The following VRK2 variants were observed in gnomAD, a reference collection of about 807,000 sequenced individuals.
VRK2 encodes VRK serine/threonine kinase 2.
Under a neutral mutation model 57.6 loss-of-function variants are expected in VRK2, and 60 were observed. The ratio of observed to expected loss-of-function variants is 1.04; its 90% CI spans 0.85 to 1.29. The LOEUF is 1.29. Among genes scored for constraint, VRK2 ranks in the 50% most tolerant of loss-of-function variants. The pLI is 0.00. For missense variants in VRK2, 705 were observed against 588.1 expected, an observed-to-expected ratio of 1.20 and a Z score of -2.06; for synonymous variants, 231 against 199.2, an observed-to-expected ratio of 1.16 and a Z score of -1.35.
Position 58,146,494 on chromosome 2 carries a change from G to T in VRK2, c.1182+20G>T. ...GCTCAGGTGAGAGGGTTGTTTGTGT[G>T]TGTTTTTTCTAACTTAATGTTACAT... is the stretch of plus-strand genomic sequence containing the variant. On this transcript the variant is annotated intron_variant, in intron 12 of 12. Transcript: ENST00000340157. The T allele has an allele frequency of 6.3e-7, 1 of 1,595,576 alleles. No individual in the cohort carries two copies. The highest frequency in any genetic ancestry group is 8.5e-7 in the Non-Finnish European group (1 of 1,171,534).
intron 7 of VRK2, among the ~76,000 whole-genome samples, chr2:58,117,730 A>G (rs1228169729): frequency 1.3e-5 from 2 of 152,130 alleles, no homozygotes; most frequent in Non-Finnish European, 2.9e-5. Context: ...AACTACTGTC[A>G]AGTTTGTATT....
chr2:58,064,629 C>T (rs1396060226), intron 2 of VRK2, among the ~76,000 whole-genome samples: 1 of 152,006 alleles, frequency 6.6e-6, no homozygotes, highest in Non-Finnish European at 1.5e-5. Context: ...CATTTTATTG[C>T]ATTGTTGTGG....
chr2:57,990,914 G>C (rs1672746069), intron 1 of VRK2, among the ~76,000 whole-genome samples: 1 of 151,016 alleles, frequency 6.6e-6, no homozygotes, highest in South Asian at 2.1e-4. Context: ...CAAAAGTAGA[G>C]AACACAAACC....
intron 1 of VRK2, among the ~76,000 whole-genome samples, chr2:57,993,557 T>C (rs890478899): frequency 6.6e-6 from 1 of 152,210 alleles, no homozygotes; most frequent in African/African-American, 2.4e-5. Context: ...CATGAGCCAT[T>C]GGCTTTGTTT....
At chr2:57,973,936 T>G (rs1159025292) in intron 1 of VRK2, among the ~76,000 whole-genome samples, 1 of 151,758 alleles carries the variant, frequency 6.6e-6, no homozygotes, top group Non-Finnish European at 1.5e-5. Context: ...GGAGAAACAC[T>G]TAAACACCTG....
chr2:57,992,190 A>T (rs906885844), intron 1 of VRK2, among the ~76,000 whole-genome samples: 3 of 152,202 alleles, frequency 2.0e-5, no homozygotes, highest in Non-Finnish European at 4.4e-5. Context: ...GTTTATGAAG[A>T]GAAGATATTA....
At chr2:58,137,289 T>A (rs905104430) in intron 10 of VRK2, among the ~76,000 whole-genome samples, 3 of 67,196 alleles carry the variant, frequency 4.5e-5, no homozygotes, top group Non-Finnish European at 1.1e-4. Context: ...ATATATCTCT[T>A]ACCTTTCTTG....
chr2:57,988,216 T>C (rs912043935), intron 1 of VRK2, among the ~76,000 whole-genome samples: 1 of 152,254 alleles, frequency 6.6e-6, no homozygotes, highest in African/African-American at 2.4e-5. Context: ...ATTCAAGTTT[T>C]ATGTTTTCTC....
At chr2:58,139,590 A>C (rs1411262418) in intron 10 of VRK2, 76 bp from the exon 11 acceptor site, 2 of 1,307,814 alleles carry the variant, frequency 1.5e-6, no homozygotes, top group East Asian at 2.3e-5. Context: ...AAAGATAACA[A>C]AGATTTTGAG....
chr2:57,939,424 C>A (rs1051772419), intron 1 of VRK2, among the ~76,000 whole-genome samples: 9 of 152,274 alleles, frequency 5.9e-5, no homozygotes, highest in African/African-American at 2.2e-4. Flanking sequence ...CAGCTACCAG[C>A]CACTTTTTTC....
chr2:57,923,584 T>C (rs1364417777), intron 1 of VRK2, among the ~76,000 whole-genome samples: 1 of 151,860 alleles, frequency 6.6e-6, no homozygotes. Context: ...GATTATTAGA[T>C]TTTTTCCATA....
At chr2:58,005,633 A>G (rs1321744366) in intron 1 of VRK2, among the ~76,000 whole-genome samples, 2 of 152,192 alleles carry the variant, frequency 1.3e-5, no homozygotes, top group African/African-American at 2.4e-5. Context: ...CATATGTAAG[A>G]TATATAAAAA....
At position 58,096,373 on chromosome 2, in the gene VRK2, T is replaced by C. The variant is rs536035379; in HGVS notation, c.543+6650T>C. Among the ~76,000 whole-genome samples, 9 of 152,242 alleles carry C rather than the reference T, an allele frequency of 5.9e-5. No individual in the cohort carries two copies. The South Asian group carries it at 1.7e-3, about 28-fold the overall frequency. On this transcript the variant is annotated intron_variant, in intron 7 of 12. Transcript: ENST00000340157. The stretch of plus-strand genomic sequence containing the variant: ...CATCTGGTCTTTGAATGTGAAACTA[T>C]TTGATTCTTTTGCTTTTCTGCGTGG...
chr2:58,118,702 A>G (rs1411032997), intron 7 of VRK2, among the ~76,000 whole-genome samples: 2 of 152,228 alleles, frequency 1.3e-5, no homozygotes, highest in African/African-American at 4.8e-5. Context: ...ACCAAATTTC[A>G]TGTGTGTCCG....
At chr2:58,145,066 A>T (rs1681911986) in intron 11 of VRK2, among the ~76,000 whole-genome samples, 1 of 151,946 alleles carries the variant, frequency 6.6e-6, no homozygotes, top group South Asian at 2.1e-4. Flanking sequence ...TGTTTAACTC[A>T]TGAAAAAAAG....
intron 1 of VRK2, among the ~76,000 whole-genome samples, chr2:58,021,846 AAAG>A (rs558276597): frequency 3.1e-4 from 47 of 152,344 alleles, no homozygotes; most frequent in African/African-American, 1.1e-3. Context: ...AATATGATTG[AAAG>A]AAATTGTTCA....
At chr2:58,101,837 T>C (rs1044191238) in intron 7 of VRK2, among the ~76,000 whole-genome samples, 1 of 151,712 alleles carries the variant, frequency 6.6e-6, no homozygotes, top group Non-Finnish European at 1.5e-5. Flanking sequence ...AAACAGGGAT[T>C]GTGTTTATTT....
chr2:58,114,356 G>A (rs569167053), intron 7 of VRK2, among the ~76,000 whole-genome samples: 2,887 of 152,028 alleles, frequency 0.019, 107 homozygotes, highest in African/African-American at 0.067. Context: ...GTGTAAACAA[G>A]AGCAGGGCAT....
At chr2:58,099,997 A>G (rs560367698) in intron 7 of VRK2, among the ~76,000 whole-genome samples, 1 of 152,036 alleles carries the variant, frequency 6.6e-6, no homozygotes, top group Non-Finnish European at 1.5e-5. Flanking sequence ...TGTCTTGCCT[A>G]TTGTTGTACA....
Sources: allele counts gnomAD v4.1 joint callset (sites outside exome capture counted in the v4.1 genomes callset), GRCh38; gene constraint gnomAD v4.1.1; transcripts MANE v1.5; gene names NCBI Gene and HGNC (gene_info 2026-07-23, HGNC 2026-07-21).